Variants in KHDRBS2 observed in about 807,000 individuals in gnomAD.
KHDRBS2 encodes KH RNA binding domain containing, signal transduction associated 2, also known as KH domain-containing, RNA-binding, signal transduction-associated protein 2.
Under a neutral mutation model 44.3 loss-of-function variants are expected in KHDRBS2, and 26 were observed. The observed-to-expected ratio is 0.59, with a 90% confidence interval of 0.43 to 0.81. The LOEUF (loss-of-function observed/expected upper bound fraction) is 0.81. Ranked by LOEUF, KHDRBS2 falls within the 40% of genes least tolerant of loss-of-function variation. The pLI is 0.00. For synonymous variants in KHDRBS2, 194 were observed against 151.1 expected (o/e 1.28, Z -2.08); for missense variants, 476 against 433.1 (o/e 1.10, Z -0.88).
In KHDRBS2 at chr6:62,141,538, C is replaced by T. The variant is rs77504235; in HGVS notation, c.219+35647G>A. ...GTGAAGCAGATGATTTCTAATTTTT[C>T]ATCTGTTTACTGCAGTACATTGAAG... On this transcript the variant is annotated intron_variant, in intron 2 of 8. Transcript: ENST00000281156. Among the ~76,000 whole-genome samples, 1,404 of 152,186 alleles carry T rather than the reference C, an allele frequency of 9.2e-3. 6 individuals are homozygous for T. Among genetic ancestry groups the T allele is most frequent in the South Asian group, 0.019 (91 of 4,818 alleles).
In KHDRBS2 at chr6:62,135,000, T is replaced by G. The variant is rs145619012; in HGVS notation, c.219+42185A>C. Among the ~76,000 whole-genome samples the G allele has an allele frequency of 2.5e-3, 379 of 152,168 alleles. 3 individuals carry two copies. Among genetic ancestry groups the G allele is most frequent in the African/African-American group, 8.3e-3 (346 of 41,514 alleles). On this transcript the variant is annotated intron_variant, in intron 2 of 8. Transcript: ENST00000281156. ...GCTTTTGAGTTAATACTGAAATGAG[T>G]TGAGACTTTGAGGACTGTTGGGAAG...
At chr6:62,063,093 T>A (rs373552062) in intron 2 of KHDRBS2, among the ~76,000 whole-genome samples, 1 of 133,614 alleles carries the variant, frequency 7.5e-6, no homozygotes, top group African/African-American at 2.7e-5. Flanking sequence ...AAGTTGAATC[T>A]CTGAATAGAC....
At chr6:62,066,434 A>T (rs3846820) in intron 2 of KHDRBS2, among the ~76,000 whole-genome samples, 93,508 of 151,412 alleles carry the variant, frequency 0.62, 29,097 homozygotes, top group African/African-American at 0.63. Context: ...ACTGCACTCT[A>T]ATATTTTAGA....
intron 2 of KHDRBS2, among the ~76,000 whole-genome samples, chr6:62,155,953 C>CTCATTCTT (rs1255588524): frequency 3.9e-5 from 6 of 152,112 alleles, no homozygotes; most frequent in African/African-American, 1.4e-4. Context: ...GCATAATGGG[C>CTCATTCTT]TCATTCTTTT....
At chr6:62,248,690 C>A (rs1836028124) in intron 1 of KHDRBS2, among the ~76,000 whole-genome samples, 1 of 152,180 alleles carries the variant, frequency 6.6e-6, no homozygotes, top group African/African-American at 2.4e-5. Flanking sequence ...TTAATGAGGG[C>A]ATTGTATCTT....
intron 4 of KHDRBS2, among the ~76,000 whole-genome samples, chr6:61,962,097 A>G (rs1460900314): frequency 2.0e-5 from 3 of 152,050 alleles, no homozygotes; most frequent in Non-Finnish European, 4.4e-5. Flanking sequence ...TCTTACAGGC[A>G]ATCTTCAATA....
chr6:62,007,698 C>T (rs1283852504), intron 3 of KHDRBS2, among the ~76,000 whole-genome samples: 3 of 148,610 alleles, frequency 2.0e-5, no homozygotes, highest in African/African-American at 7.4e-5. Flanking sequence ...CTAAAATTCA[C>T]AAGAAGAAAT....
intron 2 of KHDRBS2, among the ~76,000 whole-genome samples, chr6:62,063,989 G>C (rs1216534185): frequency 6.7e-6 from 1 of 148,810 alleles, no homozygotes. Flanking sequence ...ACCAACAACA[G>C]ACAAACAGAG....
chr6:61,551,121 G>T, the KHDRBS2 span, among the ~76,000 whole-genome samples: 1 of 152,088 alleles, frequency 6.6e-6, no homozygotes, highest in East Asian at 1.9e-4. Flanking sequence ...TTAATGGTTA[G>T]TGATAAGCAC....
intron 7 of KHDRBS2, among the ~76,000 whole-genome samples, chr6:61,702,870 T>C (rs891124285): frequency 6.6e-5 from 10 of 151,908 alleles, no homozygotes; most frequent in Admixed American, 5.9e-4. Flanking sequence ...AAAGCCAAAA[T>C]CGTGTGTAGA....
At chr6:61,555,964 T>C in the KHDRBS2 span, among the ~76,000 whole-genome samples, 8 of 152,218 alleles carry the variant, frequency 5.3e-5, no homozygotes, top group African/African-American at 1.4e-4. Context: ...AAGCAATTCA[T>C]TGGGCAGTGG....
chr6:62,084,024 T>C (rs1797935322), intron 2 of KHDRBS2, among the ~76,000 whole-genome samples: 1 of 152,216 alleles, frequency 6.6e-6, no homozygotes, highest in Admixed American at 6.5e-5. Flanking sequence ...CGTTAGAGAA[T>C]GATATAACCA....
intron 2 of KHDRBS2, among the ~76,000 whole-genome samples, chr6:62,146,810 A>G (rs1025867911): frequency 6.6e-6 from 1 of 151,786 alleles, no homozygotes; most frequent in Non-Finnish European, 1.5e-5. Flanking sequence ...TACGCTATAC[A>G]TCTATGGCAA....
chr6:61,899,725 GT>G (rs1803576200), intron 5 of KHDRBS2, among the ~76,000 whole-genome samples: 1 of 101,978 alleles, frequency 9.8e-6, no homozygotes, highest in South Asian at 3.2e-4. Flanking sequence ...TAAATTCATT[GT>G]TTTAATGCCC....
intron 2 of KHDRBS2, among the ~76,000 whole-genome samples, chr6:62,107,010 A>C (rs1479201993): frequency 1.3e-5 from 2 of 152,078 alleles, no homozygotes; most frequent in Non-Finnish European, 2.9e-5. Flanking sequence ...AAAACTGGAA[A>C]CACTCCCTTT....
the KHDRBS2 span, among the ~76,000 whole-genome samples, chr6:61,595,078 G>T: frequency 6.6e-6 from 1 of 152,142 alleles, no homozygotes; most frequent in Non-Finnish European, 1.5e-5. Flanking sequence ...TTTACTCAAA[G>T]GAGGTACCAC....
At chr6:61,891,152 C>T (rs962721630) in intron 6 of KHDRBS2, among the ~76,000 whole-genome samples, 1 of 152,068 alleles carries the variant, frequency 6.6e-6, no homozygotes, top group Non-Finnish European at 1.5e-5. Context: ...TTGAAGAGGA[C>T]AGCATGTTTA....
chr6:61,545,215 G>A, the KHDRBS2 span, among the ~76,000 whole-genome samples: 6 of 152,158 alleles, frequency 3.9e-5, no homozygotes, highest in African/African-American at 1.4e-4. Flanking sequence ...GGTGGCTGAG[G>A]TGGGAGGACC....
At chr6:61,626,629 AAGG>A in the KHDRBS2 span, among the ~76,000 whole-genome samples, 1 of 152,216 alleles carries the variant, frequency 6.6e-6, no homozygotes, top group Non-Finnish European at 1.5e-5. Flanking sequence ...TTGGTTAAGA[AAGG>A]AGATGCAAAA....
Sources: gnomAD v4.1 joint callset for allele counts (sites outside exome capture counted in the v4.1 genomes callset) on GRCh38, gnomAD v4.1.1 for gene constraint, MANE v1.5 for transcripts, NCBI Gene and HGNC (gene_info 2026-07-23, HGNC 2026-07-21) for gene names.